Variants in STARD5 observed in about 807,000 individuals in gnomAD.
The protein encoded by STARD5 is StAR related lipid transfer domain containing 5.
In STARD5, 26 loss-of-function variants were observed where a neutral mutation model predicts 24.6. The ratio of observed to expected loss-of-function variants is 1.06; its 90% confidence interval spans 0.77 to 1.47. The LOEUF is 1.47. Ranked by LOEUF, STARD5 falls within the 40% of genes most tolerant of loss-of-function variation. The probability of loss-of-function intolerance (pLI) is 0.00; values close to 1 mark genes in which losing one functional copy is unlikely to be tolerated. For synonymous variants in STARD5, 101 were observed against 99.7 expected (o/e 1.01, Z -0.07); for missense variants, 254 against 270.8 (o/e 0.94, Z 0.44).
At chr15:81,320,077 C>T (rs1901165986) in intron 3 of STARD5, among the ~76,000 whole-genome samples, 1 of 152,170 alleles carries the variant, frequency 6.6e-6, no homozygotes, top group Non-Finnish European at 1.5e-5. Flanking sequence ...ATTTTATAAA[C>T]CAAGGATGCT....
intron 5 of STARD5, among the ~76,000 whole-genome samples, chr15:81,316,907 C>G (rs1347132530): frequency 6.6e-6 from 1 of 152,080 alleles, no homozygotes; most frequent in Non-Finnish European, 1.5e-5. Context: ...CAGCAAAATC[C>G]ATGCAATCGG....
chr15:81,323,110 A>G (rs1001374331), intron 1 of STARD5, 162 bp from the exon 2 acceptor site: 8 of 674,700 alleles, frequency 1.2e-5, no homozygotes, highest in Middle Eastern at 8.1e-4. Context: ...TCTTGGGCAA[A>G]GCTGTCCCCA....
intron 1 of STARD5, 58 bp from the exon 2 acceptor site, chr15:81,323,006 C>T: frequency 6.3e-7 from 1 of 1,594,904 alleles, no homozygotes. Flanking sequence ...GGTCACCTGG[C>T]TTAATCCCCT....
intron 5 of STARD5, among the ~76,000 whole-genome samples, chr15:81,317,322 C>T (rs1901105354): frequency 2.0e-5 from 3 of 152,126 alleles, no homozygotes; most frequent in Admixed American, 1.3e-4. Flanking sequence ...GAAGGAAGGA[C>T]TCTGCCTCTT....
rs542904820 is a variant in STARD5, at chr15:81,322,292, G to A, written c.282+116C>T. 3.7e-5 allele frequency: 51 copies of A among 1,377,578 alleles called. 1 individual carries two copies. In the South Asian group the frequency reaches 6.0e-4, roughly 16 times the overall value. 85.3% of individuals were successfully genotyped at this position (1,377,578 alleles called of 1,614,324 possible). On this transcript the variant is annotated intron_variant, in intron 3 of 5. Coordinates refer to ENST00000302824, the MANE Select transcript of STARD5 (RefSeq NM_181900.3). ...TGCAAGCAGTGGGCAGCCTGTGCTT[G>A]CAGGACACACCCCCTTAACAAAAGG...
At chr15:81,322,802 T>C in intron 2 of STARD5, 97 bp downstream of exon 2, 1 of 1,500,030 alleles carries the variant, frequency 6.7e-7, no homozygotes, top group South Asian at 1.1e-5. Context: ...TGATCACAGG[T>C]TATAGGGTTG....
chr15:81,314,209 A>G (rs1486171677), intron 5 of STARD5, among the ~76,000 whole-genome samples: 1 of 152,194 alleles, frequency 6.6e-6, no homozygotes, highest in Non-Finnish European at 1.5e-5. Context: ...ATAATGCCTT[A>G]TGCCAAAATT....
intron 1 of STARD5, 152 bp from the exon 2 acceptor site, chr15:81,323,100 T>C (rs532836874): frequency 2.7e-6 from 2 of 750,326 alleles, no homozygotes; most frequent in East Asian, 5.4e-5. Flanking sequence ...CTGGGACTAG[T>C]CTTGGGCAAA....
chr15:81,317,944 C>T lies in STARD5; in HGVS notation c.494+465G>A, dbSNP rs148407341. 7.2e-4 allele frequency among the ~76,000 whole-genome samples: 109 copies of T among 152,218 alleles called. No individual in the cohort carries two copies. The Middle Eastern group carries it at 0.01, about 14-fold the overall frequency. On this transcript the variant is annotated intron_variant, in intron 5 of 5. Coordinates refer to ENST00000302824, the MANE Select transcript of STARD5 (RefSeq NM_181900.3). ...GCCTGAGTTCCGCCACATTCCTTGCCGAGGAGAGATGATCACTGAGTGAAA... is the reference window on the plus strand; with the variant it reads ...GCCTGAGTTCCGCCACATTCCTTGCTGAGGAGAGATGATCACTGAGTGAAA...
At position 81,322,104 on chromosome 15, in the gene STARD5, A is replaced by G. The variant is rs78733335; in HGVS notation, c.282+304T>C. On this transcript the variant is annotated intron_variant, in intron 3 of 5. Coordinates refer to ENST00000302824, the MANE Select transcript of STARD5 (RefSeq NM_181900.3). ...TGGAGCTGCTACTGGCCCAGGCTTC[A>G]GGGAAGTGGGTGCCAGGGGCTGAGG... Among the ~76,000 whole-genome samples, 710 of 152,354 alleles carry G rather than the reference A, an allele frequency of 4.7e-3. 7 individuals carry two copies. The highest frequency in any genetic ancestry group is 0.016 in the African/African-American group (684 of 41,580).
Position 81,324,078 on chromosome 15 carries a change from G to T in STARD5, c.22C>A (p.Gln8Lys). 1 of 1,527,280 alleles carries T rather than the reference G, an allele frequency of 6.5e-7. No homozygotes were observed. The highest frequency in any genetic ancestry group is 2.5e-5 in the East Asian group (1 of 40,368). 94.6% of individuals were successfully genotyped at this position (1,527,280 alleles called of 1,614,324 possible). A position where few individuals can be genotyped will look rare whatever the true frequency, so the allele number is the denominator to read the frequency against. The change falls in exon 1 of 6, where the codon CAG becomes AAG. Residue 8 changes from glutamine to lysine, a missense_variant. Physicochemically the swap from Gln to Lys is moderately conservative, Grantham distance 53. Coordinates refer to ENST00000302824, the MANE Select transcript of STARD5 (RefSeq NM_181900.3). MDPALAA[Q>K]MSEAVAEKML... is the part of the protein sequence containing the mutation. Reference sequence around the variant, plus strand: ...TTCTCGGCCACAGCCTCGCTCATCTGGGCTGCCAGCGCCGGGTCCATTGCG... The same window carrying T: ...TTCTCGGCCACAGCCTCGCTCATCTTGGCTGCCAGCGCCGGGTCCATTGCG...
intron 3 of STARD5, among the ~76,000 whole-genome samples, chr15:81,322,077 C>T (rs12595251): frequency 0.026 from 4,024 of 152,332 alleles, 92 homozygotes; most frequent in East Asian, 0.14. Flanking sequence ...CATGCAGGTA[C>T]GTGGAGCTGC....
At chr15:81,323,037 G>A (rs1893321513) in intron 1 of STARD5, 89 bp from the exon 2 acceptor site, 1 of 1,406,656 alleles carries the variant, frequency 7.1e-7, no homozygotes, top group South Asian at 1.2e-5. Flanking sequence ...AGAGGGGTAA[G>A]AGGCCTCAAG....
At chr15:81,323,147 C>A in intron 1 of STARD5, 199 bp from the exon 2 acceptor site, 1 of 599,836 alleles carries the variant, frequency 1.7e-6, no homozygotes, top group Non-Finnish European at 3.0e-6. Flanking sequence ...AGAAAAAGAT[C>A]TTAACTGGCT....
chr15:81,318,281 ATCTAAAGAGCTATAAGGCATTTTTCT>A, intron 5 of STARD5, 102 bp downstream of exon 5: 1 of 739,716 alleles, frequency 1.4e-6, no homozygotes. Flanking sequence ...TATCGTCACA[ATCTAAAGAGCTATAAGGCATTTTTCT>A]TCTTTTGAAT....
Position 81,324,028 on chromosome 15 carries a change from T to C in STARD5, c.72A>G (p.Thr24=). The C allele has an allele frequency of 6.2e-7, 1 of 1,604,662 alleles. No individual in the cohort carries two copies. Among genetic ancestry groups the C allele is most frequent in the Non-Finnish European group, 8.5e-7 (1 of 1,175,542 alleles). The change falls in exon 1 of 6, where the codon ACA becomes ACG. Residue 24 remains threonine, a synonymous_variant. Transcript: ENST00000302824. ...CTTCCCGGCAAATCTTCCAGCCTGC[T>C]GTGTCCCGCCGGTACTGGAGCATCT... is the stretch of plus-strand genomic sequence containing the variant. The part of the protein sequence containing the change: ...AEKMLQYRRD[T]AGWKICREGN...
chr15:81,318,325 A>C, intron 5 of STARD5, 84 bp downstream of exon 5: 2 of 1,143,890 alleles, frequency 1.7e-6, no homozygotes, highest in Non-Finnish European at 1.3e-6. Context: ...AATCGTAGTC[A>C]AAGTGCCCCT....
chr15:81,314,317 C>G (rs1901023857), intron 5 of STARD5, among the ~76,000 whole-genome samples: 2 of 152,178 alleles, frequency 1.3e-5, no homozygotes, highest in Admixed American at 6.5e-5. Context: ...GCAGGTGGCA[C>G]AGATGCTGAC....
chr15:81,319,534 C>G (rs953272621), intron 3 of STARD5, 78 bp from the exon 4 acceptor site: 6 of 1,293,714 alleles, frequency 4.6e-6, no homozygotes, highest in Non-Finnish European at 6.7e-6. Context: ...CCCTCAAGGT[C>G]TGGGAAAGGT....
Sources: allele counts gnomAD v4.1 joint callset (sites outside exome capture counted in the v4.1 genomes callset), GRCh38; gene constraint gnomAD v4.1.1; transcripts MANE v1.5; gene names NCBI Gene and HGNC (gene_info 2026-07-23, HGNC 2026-07-21).